The following CEP350 variants were observed in gnomAD, a reference collection of about 807,000 sequenced individuals.
The protein encoded by CEP350 is centrosome-associated protein 350.
Under a neutral mutation model 331.8 loss-of-function variants are expected in CEP350, and 126 were observed. The observed-to-expected ratio is 0.38, with a 90% CI of 0.33 to 0.44. The LOEUF is 0.44. Among genes scored for constraint, CEP350 ranks in the 20% least tolerant of loss-of-function variants. The pLI is 1.00. For missense variants in CEP350, 3,406 were observed against 3,634.6 expected (o/e 0.94, Z 1.62); for synonymous variants, 1,200 against 1,259.5 (o/e 0.95, Z 1.00).
chr1:180,022,565 A>G (rs1655398554), intron 12 of CEP350, 133 bp from the exon 13 acceptor site: 1 of 668,396 alleles, frequency 1.5e-6, no homozygotes, highest in Non-Finnish European at 2.5e-6. Context: ...ATAAAGGTAA[A>G]TAGAAAAGAG....
intron 11 of CEP350, among the ~76,000 whole-genome samples, chr1:180,017,542 A>G (rs1655050541): frequency 6.6e-6 from 1 of 152,186 alleles, no homozygotes; most frequent in Non-Finnish European, 1.5e-5. Context: ...CAATATTAAA[A>G]GCAAGCCAAA....
intron 28 of CEP350, among the ~76,000 whole-genome samples, chr1:180,078,129 A>G (rs1359181654): frequency 1.3e-5 from 2 of 151,976 alleles, no homozygotes; most frequent in Non-Finnish European, 2.9e-5. Context: ...ACGGGATGCC[A>G]TCTTAAAAAA....
At position 180,093,377 on chromosome 1, in the gene CEP350, T is replaced by G. The variant is rs1485290849; in HGVS notation, c.7272T>G (p.Ser2424Arg). 8 of 1,600,148 alleles carry G rather than the reference T, an allele frequency of 5.0e-6. No individual in the cohort carries two copies. The highest frequency in any genetic ancestry group is 6.8e-6 in the Non-Finnish European group (8 of 1,173,168). The change falls in exon 34 of 38, where the codon AGT (serine) becomes AGG (arginine). Residue 2424 changes from serine (S) to arginine (R), a missense_variant. By Grantham distance (110) the Ser-to-Arg change is moderately radical. Around this residue, in one of 5 missense-constraint regions of CEP350, gnomAD observed 1,415 missense variants for 1,512.3 expected, o/e 0.94. Transcript: ENST00000367607. ...CACAGCCAATGAGGAGCTCTACAAG[T>G]GGAGCCACTAGCTTTGGTAGTAATG... ...DKPQPMRSSTSGATSFGSNEE... is the reference protein window; with the variant it reads ...DKPQPMRSSTRGATSFGSNEE...
At chr1:180,022,118 A>G (rs1267896879) in intron 12 of CEP350, among the ~76,000 whole-genome samples, 1 of 152,146 alleles carries the variant, frequency 6.6e-6, no homozygotes, top group Non-Finnish European at 1.5e-5. Flanking sequence ...GTATTTCTTA[A>G]TGGTCTTGTA....
intron 10 of CEP350, 85 bp from the exon 11 acceptor site, chr1:180,015,764 G>A: frequency 2.1e-6 from 3 of 1,443,828 alleles, no homozygotes; most frequent in Non-Finnish European, 2.8e-6. Context: ...TTGTAGAGCT[G>A]AGGTGACTTA....
chr1:180,034,956 A>G (rs1034507787), intron 16 of CEP350, among the ~76,000 whole-genome samples: 4 of 152,236 alleles, frequency 2.6e-5, no homozygotes, highest in African/African-American at 9.6e-5. Flanking sequence ...AAGCCAAGAT[A>G]TGCCAAAAGC....
chr1:180,040,497 A>T (rs1488796286), intron 17 of CEP350, among the ~76,000 whole-genome samples: 3 of 151,876 alleles, frequency 2.0e-5, no homozygotes, highest in South Asian at 4.2e-4. Context: ...TCTGTTGACC[A>T]GGCTGATCTT....
At chr1:179,969,304 GGAA>G in intron 1 of CEP350, 1 of 499,890 alleles carries the variant, frequency 2.0e-6, no homozygotes. Context: ...CTGTGACCAA[GGAA>G]GAATTTTAGG....
At position 180,093,715 on chromosome 1, in the gene CEP350, A is replaced by T. The variant is rs1660321968; in HGVS notation, c.7610A>T (p.Asn2537Ile). 4 of 1,613,876 alleles carry T rather than the reference A, an allele frequency of 2.5e-6. No individual in the cohort carries two copies. The South Asian group carries it at 4.4e-5, about 18-fold the overall frequency. The change falls in exon 34 of 38, where the codon AAT (asparagine) becomes ATT (isoleucine). Residue 2537 changes from asparagine to isoleucine, a missense_variant. By Grantham distance (149) the Asn-to-Ile change is moderately radical (BLOSUM62 -3). This residue lies in a region of CEP350 where 1,415 missense variants were observed against 1,512.3 expected (regional missense o/e 0.94). Transcript: ENST00000367607. ...GTGGAGTTAGATAAACCTGAAGGAA[A>T]TAACAATGGAACATATGATGGTATT... Reference protein sequence around the residue: ...AGVELDKPEGNNNGTYDGIAY... With the variant: ...AGVELDKPEGINNGTYDGIAY...
At position 180,053,764 on chromosome 1, in the gene CEP350, A is replaced by G. The variant is rs764633261; in HGVS notation, c.5004A>G (p.Pro1668=). The part of the protein sequence containing the change: ...TLSTAKELNM[P]FSGGQDSFSK... ...ATCTACTTTAGGAACTGAACATGCC[A>G]TTCTCAGGAGGACAAGATAGCTTTT... Residue 1668 remains proline (P), a synonymous_variant, in exon 24 of 38, where the codon CCA becomes CCG. Coordinates refer to ENST00000367607, the MANE Select transcript of CEP350 (RefSeq NM_014810.5). 9 of 1,590,746 alleles carry G rather than the reference A, an allele frequency of 5.7e-6. No individual in the cohort carries two copies. In the East Asian group the frequency reaches 1.6e-4, roughly 28 times the overall value.
chr1:180,027,409 C>T (rs560869924), intron 14 of CEP350, among the ~76,000 whole-genome samples: 120 of 152,166 alleles, frequency 7.9e-4, no homozygotes, highest in African/African-American at 2.7e-3. Flanking sequence ...GATAGGGTCT[C>T]ACTCTATCAC....
At position 180,020,656 on chromosome 1, in the gene CEP350, C is replaced by G; in HGVS notation, c.2882C>G (p.Ser961Cys). 2 of 1,614,016 alleles carry G rather than the reference C, an allele frequency of 1.2e-6. No homozygotes were observed. Among genetic ancestry groups the G allele is most frequent in the Non-Finnish European group, 1.7e-6 (2 of 1,179,906 alleles). The change falls in exon 12 of 38, where the codon TCT becomes TGT. Residue 961 changes from serine (S) to cysteine (C), a missense_variant. Ser to Cys is a moderately radical substitution (Grantham distance 112, BLOSUM62 -1). This residue lies in a region of CEP350 where 1,857 missense variants were observed against 1,909.2 expected (regional missense o/e 0.97). Coordinates refer to ENST00000367607, the MANE Select transcript of CEP350 (RefSeq NM_014810.5). The stretch of plus-strand genomic sequence containing the variant: ...AAAAGGCAGACTGACTCTTCTAGCT[C>G]TGATATGCAAGCCTGTTCTCAAGAC... ...LCKRQTDSSS[S>C]DMQACSQDKA...
intron 28 of CEP350, among the ~76,000 whole-genome samples, chr1:180,076,408 A>G (rs1005721570): frequency 1.3e-5 from 2 of 152,252 alleles, no homozygotes; most frequent in Admixed American, 1.3e-4. Context: ...ATTAGCACAC[A>G]TTAAAAAGTT....
At chr1:179,997,361 G>A (rs898138485) in intron 6 of CEP350, among the ~76,000 whole-genome samples, 186 bp downstream of exon 6, 1 of 151,950 alleles carries the variant, frequency 6.6e-6, no homozygotes, top group African/African-American at 2.4e-5. Context: ...CTAACATGGT[G>A]AAACCCTGTC....
chr1:179,955,252 G>A, intron 1 of CEP350, 110 bp downstream of exon 1: 1 of 1,077,586 alleles, frequency 9.3e-7, no homozygotes, highest in South Asian at 2.0e-5. Context: ...GGCCGGGCGC[G>A]GAGAGTCTTG....
At chr1:180,096,761 G>C (rs1335104484) in intron 36 of CEP350, among the ~76,000 whole-genome samples, 1 of 152,204 alleles carries the variant, frequency 6.6e-6, no homozygotes, top group Non-Finnish European at 1.5e-5. Context: ...GAAGCTACAA[G>C]GACTATGAAC....
chr1:180,013,637 T>TA (rs1225100696), intron 9 of CEP350, among the ~76,000 whole-genome samples: 1 of 152,148 alleles, frequency 6.6e-6, no homozygotes, highest in Admixed American at 6.5e-5. Flanking sequence ...ACCAAGGAAA[T>TA]ATAGTTTTTC....
Position 180,042,783 on chromosome 1 carries a change from C to G in CEP350, c.4363-273C>G, listed in dbSNP as rs554777272. 2.6e-5 allele frequency among the ~76,000 whole-genome samples: 4 copies of G among 152,266 alleles called. No homozygotes were observed. In the South Asian group the frequency reaches 8.3e-4, roughly 32 times the overall value. ...AGATTTAATTTTTGGCTTATTACTG[C>G]TTATGTTATGCTTTAAGGTTTTCTG... On this transcript the variant is annotated intron_variant, in intron 19 of 37. Coordinates refer to ENST00000367607, the MANE Select transcript of CEP350 (RefSeq NM_014810.5).
chr1:180,020,586 A>G lies in CEP350; in HGVS notation c.2812A>G (p.Arg938Gly). 1 of 1,614,028 alleles carries G rather than the reference A, an allele frequency of 6.2e-7. No homozygotes were observed. Among genetic ancestry groups the G allele is most frequent in the Non-Finnish European group, 8.5e-7 (1 of 1,179,894 alleles). ...GAGTGCCATATCAAGCTTTAGAGTG[A>G]GATCCCCTGGTCCCAAACCAGAAGG... ...PQSAISSFRV[R>G]SPGPKPEGLL... Residue 938 changes from arginine (R) to glycine (G), a missense_variant, in exon 12 of 38, where the codon AGA becomes GGA. Coordinates refer to ENST00000367607, the MANE Select transcript of CEP350 (RefSeq NM_014810.5).
Sources: allele counts gnomAD v4.1 joint callset (sites outside exome capture counted in the v4.1 genomes callset), GRCh38; gene constraint gnomAD v4.1.1; regional missense constraint gnomAD v4.1.1; transcripts MANE v1.5; gene names NCBI Gene and HGNC (gene_info 2026-07-23, HGNC 2026-07-21).